The following OR6N1 variants were observed in gnomAD, a reference collection of about 807,000 sequenced individuals.
OR6N1 encodes the protein olfactory receptor family 6 subfamily N member 1.
For missense variants in OR6N1, 394 were observed against 371.7 expected (o/e 1.06, Z -0.49); for synonymous variants, 170 against 150.7 (o/e 1.13, Z -0.94).
chr1:158,768,151 C>CT (rs148996567), intron 1 of OR6N1, among the ~76,000 whole-genome samples: 23 of 149,980 alleles, frequency 1.5e-4, no homozygotes, highest in Middle Eastern at 3.4e-3. Context: ...AGTGTTTAAT[C>CT]TTTTTTTTTT....
At chr1:158,824,589 A>G in the OR6N1 span, among the ~76,000 whole-genome samples, 3 of 152,186 alleles carry the variant, frequency 2.0e-5, no homozygotes, top group Non-Finnish European at 4.4e-5. Flanking sequence ...TTGAATAACC[A>G]AAACAGCATG....
upstream of OR6N1, chr1:158,775,075 A>G (rs1036431284): frequency 1.3e-5 from 2 of 152,226 alleles, no homozygotes; most frequent in African/African-American, 4.8e-5. Context: ...TTGAGACCAA[A>G]TCTAGTTTAT....
the OR6N1 span, among the ~76,000 whole-genome samples, chr1:158,778,223 A>G: frequency 2.6e-5 from 4 of 152,212 alleles, no homozygotes; most frequent in African/African-American, 4.8e-5. Flanking sequence ...GCAAGGTACA[A>G]TCTCTGCCAC....
chr1:158,794,481 C>T, the OR6N1 span, among the ~76,000 whole-genome samples: 1 of 152,156 alleles, frequency 6.6e-6, no homozygotes, highest in African/African-American at 2.4e-5. Context: ...GTCGAGCCAC[C>T]CAGTGGGGAT....
At chr1:158,775,577 C>T (rs934860367), upstream of OR6N1, 6 of 152,154 alleles carry the variant, frequency 3.9e-5, no homozygotes, top group Non-Finnish European at 7.4e-5. Context: ...AAATACATTA[C>T]TTTATATTTT....
chr1:158,785,782 C>T, the OR6N1 span, among the ~76,000 whole-genome samples: 1 of 152,086 alleles, frequency 6.6e-6, no homozygotes, highest in South Asian at 2.1e-4. Flanking sequence ...ACAATTTATC[C>T]TGAGATTATA....
Position 158,764,795 on chromosome 1 carries a change from T to C in OR6N1, c.*949A>G, listed in dbSNP as rs944163659. ...CGATGTAAAAAGTAATCCTATTTCTTTCCACTGACTCAACTCCTATACTTT... is the reference window on the plus strand; with the variant it reads ...CGATGTAAAAAGTAATCCTATTTCTCTCCACTGACTCAACTCCTATACTTT... On this transcript the variant is annotated 3_prime_UTR_variant, in exon 2 of 2. Transcript: ENST00000641846. The C allele has an allele frequency of 6.6e-6, 1 of 152,100 alleles. No homozygotes were observed. The highest frequency in any genetic ancestry group is 2.1e-4 in the South Asian group (1 of 4,830). 9.4% of individuals were successfully genotyped at this position (152,100 alleles called of 1,614,324 possible). A position where few individuals can be genotyped will look rare whatever the true frequency, so the allele number is the denominator to read the frequency against.
At chr1:158,831,032 G>C in the OR6N1 span, among the ~76,000 whole-genome samples, 1,381 of 152,304 alleles carry the variant, frequency 9.1e-3, 28 homozygotes, top group African/African-American at 0.032. Flanking sequence ...AAAGGAGGGA[G>C]AAACTTTGGT....
chr1:158,790,046 T>C, the OR6N1 span, among the ~76,000 whole-genome samples: 5 of 152,224 alleles, frequency 3.3e-5, no homozygotes, highest in Non-Finnish European at 5.9e-5. Flanking sequence ...GTTTCATTCT[T>C]CTTCATATAG....
At position 158,766,509 on chromosome 1, in the gene OR6N1, G is replaced by A; in HGVS notation, c.174C>T (p.Pro58=). ...VVCLDSRLHT[P]MYHFVSILSF... Reference sequence around the variant, plus strand: ...AGAGAATGCTGACAAAGTGGTACATGGGTGTGTGAAGCCGGGAGTCCAGGC... The same window carrying A: ...AGAGAATGCTGACAAAGTGGTACATAGGTGTGTGAAGCCGGGAGTCCAGGC... The change falls in exon 2 of 2, where the codon CCC becomes CCT. Residue 58 remains proline (P), a synonymous_variant. Coordinates refer to ENST00000641846, the MANE Select transcript of OR6N1 (RefSeq NM_001005185.2). The A allele has an allele frequency of 6.2e-7, 1 of 1,614,184 alleles. No individual in the cohort carries two copies. Among genetic ancestry groups the A allele is most frequent in the South Asian group, 1.1e-5 (1 of 91,082 alleles).
chr1:158,802,230 C>T, the OR6N1 span, among the ~76,000 whole-genome samples: 13 of 90,448 alleles, frequency 1.4e-4, no homozygotes, highest in African/African-American at 2.9e-4. Context: ...TTTTTTGAAA[C>T]GGAGTCTTGC....
chr1:158,823,414 G>A, the OR6N1 span, among the ~76,000 whole-genome samples: 3 of 151,932 alleles, frequency 2.0e-5, no homozygotes, highest in African/African-American at 7.2e-5. Context: ...TCAGGGATTC[G>A]ATTTCTTCCT....
chr1:158,765,771 C>T lies in OR6N1; in HGVS notation c.912G>A (p.Gln304=). 1 of 1,613,806 alleles carries T rather than the reference C, an allele frequency of 6.2e-7. No individual in the cohort carries two copies. The highest frequency in any genetic ancestry group is 8.5e-7 in the Non-Finnish European group (1 of 1,179,736). The change falls in exon 2 of 2, where the codon CAG becomes CAA. Residue 304 remains glutamine, a synonymous_variant. Transcript: ENST00000641846. ...NKEIKEAVRR[Q]LKRIGILA ...ATGCCAATATCCCAATTCTCTTTAG[C>T]TGCCTCCTCACAGCCTCCTTGATCT... is the stretch of plus-strand genomic sequence containing the variant.
chr1:158,818,642 T>A, the OR6N1 span, among the ~76,000 whole-genome samples: 1 of 152,188 alleles, frequency 6.6e-6, no homozygotes, highest in Non-Finnish European at 1.5e-5. Flanking sequence ...CATGGGTACC[T>A]CTGCTCAGAG....
In OR6N1 at chr1:158,765,842, G is replaced by T; in HGVS notation, c.841C>A (p.Leu281Ile). ...ATGAAGGGGTTGAGGAAGGGTGTGA[G>T]CACTGAGTAGACCACTGCCAGGGCC... is the stretch of plus-strand genomic sequence containing the variant. ...DQALAVVYSV[L>I]TPFLNPFIYS... Residue 281 changes from leucine (L) to isoleucine (I), a missense_variant, in exon 2 of 2, where the codon CTC (leucine) becomes ATC (isoleucine). Leu to Ile is a conservative substitution (Grantham distance 5). Transcript: ENST00000641846. The T allele has an allele frequency of 6.2e-7, 1 of 1,614,162 alleles. No homozygotes were observed. The highest frequency in any genetic ancestry group is 1.1e-5 in the South Asian group (1 of 91,080).
the OR6N1 span, among the ~76,000 whole-genome samples, chr1:158,788,746 A>G: frequency 6.6e-6 from 1 of 152,156 alleles, no homozygotes; most frequent in Non-Finnish European, 1.5e-5. Context: ...GATTTATCAA[A>G]CACTAGGTCT....
At chr1:158,767,582 C>A (rs1431098351) in intron 1 of OR6N1, among the ~76,000 whole-genome samples, 3 of 152,148 alleles carry the variant, frequency 2.0e-5, no homozygotes, top group Non-Finnish European at 2.9e-5. Context: ...AAATGTGGCA[C>A]CTGATGTTAA....
chr1:158,769,137 G>A (rs191622446), intron 1 of OR6N1, among the ~76,000 whole-genome samples: 2 of 152,138 alleles, frequency 1.3e-5, no homozygotes, highest in East Asian at 1.9e-4. Flanking sequence ...AGATAAATCA[G>A]GAAAATTTCA....
the OR6N1 span, among the ~76,000 whole-genome samples, chr1:158,788,920 T>C: frequency 3.3e-5 from 5 of 152,308 alleles, no homozygotes; most frequent in Non-Finnish European, 1.5e-5. Flanking sequence ...CTTTTCTGTT[T>C]TTATTTAGAA....
Sources: allele counts gnomAD v4.1 joint callset (sites outside exome capture counted in the v4.1 genomes callset), GRCh38; gene constraint gnomAD v4.1.1; transcripts MANE v1.5; gene names NCBI Gene and HGNC (gene_info 2026-07-23, HGNC 2026-07-21).